RPAP3: variants seen among roughly 807,000 people sequenced by gnomAD.
RPAP3 encodes RNA polymerase II associated protein 3, also known as RNA polymerase II-associated protein 3.
In RPAP3, 58 loss-of-function variants were observed where a neutral mutation model predicts 88.8. That is an observed-to-expected ratio of 0.65 (90% CI 0.53 to 0.81). The LOEUF is 0.81. RPAP3 is among the 40% of genes least tolerant of loss of function. RPAP3 has a pLI of 0.00. For synonymous variants in RPAP3, 255 were observed against 259.9 expected, an observed-to-expected ratio of 0.98 and a Z score of 0.18; for missense variants, 751 against 764.3, an observed-to-expected ratio of 0.98 and a Z score of 0.20.
At chr12:47,664,408 T>C (rs1185620562) in intron 16 of RPAP3, among the ~76,000 whole-genome samples, 7 of 151,862 alleles carry the variant, frequency 4.6e-5, no homozygotes, top group Non-Finnish European at 1.5e-5. Flanking sequence ...AATAAATAAA[T>C]AAATAAGATT....
intron 16 of RPAP3, among the ~76,000 whole-genome samples, chr12:47,665,694 G>A (rs975922299): frequency 2.6e-5 from 4 of 151,560 alleles, no homozygotes; most frequent in Non-Finnish European, 2.9e-5. Flanking sequence ...AGGTTGGAAC[G>A]CAGTGCCACA....
In RPAP3 at chr12:47,667,766, T is replaced by A; in HGVS notation, c.1799A>T (p.Asp600Val). ...VFNQIVKILH[D>V]FYIEKEKPLL... ...AAACTTGACTTACTCAATGTAAAAG[T>A]CATGCAGAATTTTAACGATCTGGTT... The change falls in exon 15 of 17, where the codon GAC becomes GTC. Residue 600 changes from aspartate to valine, a missense_variant. Transcript: ENST00000005386. 1 of 1,598,746 alleles carries A rather than the reference T, an allele frequency of 6.3e-7. No homozygotes were observed. The highest frequency in any genetic ancestry group is 8.5e-7 in the Non-Finnish European group (1 of 1,169,974).
chr12:47,667,091 C>T lies in RPAP3; in HGVS notation c.1812-11G>A. The T allele has an allele frequency of 9.6e-6, 12 of 1,249,636 alleles. No individual in the cohort carries two copies. The highest frequency in any genetic ancestry group is 1.3e-5 in the Non-Finnish European group (12 of 923,172). 77.4% of individuals were successfully genotyped at this position (1,249,636 alleles called of 1,614,324 possible). A position where few individuals can be genotyped will look rare whatever the true frequency, so the allele number is the denominator to read the frequency against. The stretch of plus-strand genomic sequence containing the variant: ...AATGGCTTTTCTTTCCTGAAATAAT[C>T]CAAATATAGAAACAAATGATCAGTT... On this transcript the variant is annotated splice_polypyrimidine_tract_variant and intron_variant, in intron 15 of 16. Coordinates refer to ENST00000005386, the MANE Select transcript of RPAP3 (RefSeq NM_024604.3).
At chr12:47,685,150 G>A (rs1939297201) in intron 9 of RPAP3, among the ~76,000 whole-genome samples, 1 of 152,206 alleles carries the variant, frequency 6.6e-6, no homozygotes, top group Admixed American at 6.5e-5. Flanking sequence ...AGGCCGAGAC[G>A]GGCAGATCAC....
chr12:47,668,316 T>A (rs368138760), intron 14 of RPAP3, among the ~76,000 whole-genome samples: 57 of 152,288 alleles, frequency 3.7e-4, no homozygotes, highest in African/African-American at 1.3e-3. Context: ...ATCACTCTAT[T>A]CTAGTCACAG....
intron 9 of RPAP3, among the ~76,000 whole-genome samples, chr12:47,686,533 CACACAT>C (rs202103626): frequency 8.6e-6 from 1 of 116,454 alleles, no homozygotes; most frequent in African/African-American, 3.4e-5. Context: ...TACATAAACA[CACACAT>C]ACACATACAC....
At chr12:47,671,787 A>G (rs1464399622) in intron 12 of RPAP3, among the ~76,000 whole-genome samples, 1 of 152,142 alleles carries the variant, frequency 6.6e-6, no homozygotes, top group South Asian at 2.1e-4. Context: ...TTAAGTGTAG[A>G]CCCGGGGTAC....
In RPAP3 at chr12:47,686,902, A is replaced by C; in HGVS notation, c.870T>G (p.Asn290Lys). 6.3e-7 allele frequency: 1 copy of C among 1,586,328 alleles called. No homozygotes were observed. The highest frequency in any genetic ancestry group is 8.6e-7 in the Non-Finnish European group (1 of 1,164,242). The change falls in exon 9 of 17, where the codon AAT becomes AAG. Residue 290 changes from asparagine to lysine, a missense_variant. By Grantham distance (94) the Asn-to-Lys change is moderately conservative. Coordinates refer to ENST00000005386, the MANE Select transcript of RPAP3 (RefSeq NM_024604.3). ...CATATTTCCCCTCTTTGAAAAATCCATTCCCCTGTTATTTTGTAGAGAGAT... is the reference window on the plus strand; with the variant it reads ...CATATTTCCCCTCTTTGAAAAATCCCTTCCCCTGTTATTTTGTAGAGAGAT... ...QQAISEKDRG[N>K]GFFKEGKYER... is the part of the protein sequence containing the mutation.
chr12:47,695,653 G>C (rs1331554285), intron 5 of RPAP3, among the ~76,000 whole-genome samples: 1 of 152,048 alleles, frequency 6.6e-6, no homozygotes, highest in African/African-American at 2.4e-5. Flanking sequence ...AATTTTTAGA[G>C]ATTAATATCA....
chr12:47,695,493 C>G (rs1370687599), intron 5 of RPAP3, among the ~76,000 whole-genome samples: 1 of 152,152 alleles, frequency 6.6e-6, no homozygotes, highest in Non-Finnish European at 1.5e-5. Flanking sequence ...CAGAAAGGAG[C>G]ATCAAGGTAA....
chr12:47,667,749 CT>C lies in RPAP3; in HGVS notation c.1811+4del. Reference sequence around the variant, plus strand: ...TACTGTATAACTAAAAAAAACTTGACTTACTCAATGTAAAAGTCATGCAGAA... The same window carrying C: ...TACTGTATAACTAAAAAAAACTTGACTACTCAATGTAAAAGTCATGCAGAA... On this transcript the variant is annotated splice_donor_region_variant and intron_variant, in intron 15 of 16. Transcript: ENST00000005386. The C allele has an allele frequency of 6.4e-7, 1 of 1,560,642 alleles. No homozygotes were observed. Among genetic ancestry groups the C allele is most frequent in the Non-Finnish European group, 8.7e-7 (1 of 1,144,304 alleles).
chr12:47,675,773 T>TA (rs760985692), intron 12 of RPAP3, among the ~76,000 whole-genome samples: 9 of 152,150 alleles, frequency 5.9e-5, no homozygotes, highest in Non-Finnish European at 1.3e-4. Flanking sequence ...CAAAGAGACT[T>TA]AGACTCCCAA....
intron 12 of RPAP3, among the ~76,000 whole-genome samples, chr12:47,673,570 T>C (rs1939044744): frequency 6.6e-6 from 1 of 152,126 alleles, no homozygotes; most frequent in Non-Finnish European, 1.5e-5. Flanking sequence ...TTTCCTTTTC[T>C]GCCTTTATAA....
chr12:47,664,409 AAAT>A (rs1938824539), intron 16 of RPAP3, among the ~76,000 whole-genome samples: 1 of 152,100 alleles, frequency 6.6e-6, no homozygotes, highest in Non-Finnish European at 1.5e-5. Context: ...ATAAATAAAT[AAAT>A]AAGATTATGA....
intron 9 of RPAP3, among the ~76,000 whole-genome samples, chr12:47,683,373 A>C (rs1939262080): frequency 6.6e-6 from 1 of 152,228 alleles, no homozygotes; most frequent in Non-Finnish European, 1.5e-5. Flanking sequence ...GCCTCACAGA[A>C]CACCTGATAC....
In RPAP3 at chr12:47,670,316, T is replaced by C; in HGVS notation, c.1317A>G (p.Glu439=). The stretch of plus-strand genomic sequence containing the variant: ...CAATAGTCTGTATCAAATTACCAGT[T>C]TCTTCAATAATAACCTTCTTGAGTG... The part of the protein sequence containing the change: ...TKPLKKVIIE[E]TGNLIQTIDV... Residue 439 remains glutamate, a synonymous_variant, in exon 13 of 17, where the codon GAA becomes GAG. Transcript: ENST00000005386. 4 of 1,607,888 alleles carry C rather than the reference T, an allele frequency of 2.5e-6. No homozygotes were observed. In the South Asian group the frequency reaches 4.4e-5, roughly 18 times the overall value.
chr12:47,677,011 G>A (rs941151029), intron 12 of RPAP3, among the ~76,000 whole-genome samples: 3 of 152,114 alleles, frequency 2.0e-5, no homozygotes, highest in Admixed American at 1.3e-4. Context: ...CTGGCAAACC[G>A]AATCCAGTAG....
At chr12:47,702,993 T>C (rs543761621) in intron 1 of RPAP3, 147 bp from the exon 2 acceptor site, 1 of 429,522 alleles carries the variant, frequency 2.3e-6, no homozygotes, top group South Asian at 9.0e-5. Flanking sequence ...TAAAGAAAAA[T>C]CAATATAATA....
In RPAP3 at chr12:47,696,322, G is replaced by A; in HGVS notation, c.499C>T (p.Pro167Ser). 1.9e-6 allele frequency: 3 copies of A among 1,598,948 alleles called. No homozygotes were observed. The highest frequency in any genetic ancestry group is 2.6e-6 in the Non-Finnish European group (3 of 1,172,460). ...GACGCTCTGTTCGTTGGCAACACGG[G>A]ATTATATGGATCGGCATCCATGCCT... is the stretch of plus-strand genomic sequence containing the variant. Reference protein sequence around the residue: ...TKGMDADPYNPVLPTNRASAY... With the variant: ...TKGMDADPYNSVLPTNRASAY... The change falls in exon 5 of 17, where the codon CCC becomes TCC. Residue 167 changes from proline to serine, a missense_variant. Coordinates refer to ENST00000005386, the MANE Select transcript of RPAP3 (RefSeq NM_024604.3).
Sources: gnomAD v4.1 joint callset for allele counts (sites outside exome capture counted in the v4.1 genomes callset) on GRCh38, gnomAD v4.1.1 for gene constraint, MANE v1.5 for transcripts, NCBI Gene and HGNC (gene_info 2026-07-23, HGNC 2026-07-21) for gene names.